The following FARS2 variants were observed in gnomAD, a reference collection of about 807,000 sequenced individuals.
FARS2 encodes phenylalanine--tRNA ligase, mitochondrial.
A neutral mutation model predicts 46.4 loss-of-function variants in FARS2; 40 were observed. The ratio of observed to expected loss-of-function variants is 0.86; its 90% CI spans 0.67 to 1.12. The LOEUF (loss-of-function observed/expected upper bound fraction) is 1.12. Ranked by LOEUF, FARS2 falls within the 50% of genes most tolerant of loss-of-function variation. The probability of loss-of-function intolerance (pLI) is 0.00; values close to 1 mark genes in which losing one functional copy is unlikely to be tolerated. For missense variants in FARS2, 513 were observed against 567.9 expected, an observed-to-expected ratio of 0.90 and a Z score of 0.98; for synonymous variants, 234 against 214.9, an observed-to-expected ratio of 1.09 and a Z score of -0.78.
At chr6:5,294,879 C>T (rs1471509827) in intron 1 of FARS2, among the ~76,000 whole-genome samples, 1 of 152,076 alleles carries the variant, frequency 6.6e-6, no homozygotes, top group Non-Finnish European at 1.5e-5. Flanking sequence ...AGCATTCCTT[C>T]CCCCAAAGTA....
chr6:5,508,664 G>T (rs1768248833), intron 4 of FARS2, among the ~76,000 whole-genome samples: 1 of 152,220 alleles, frequency 6.6e-6, no homozygotes, highest in African/African-American at 2.4e-5. Flanking sequence ...TGAAGGCCCT[G>T]AAAGGTAAAA....
At chr6:5,503,011 G>A (rs1390055916) in intron 4 of FARS2, among the ~76,000 whole-genome samples, 1 of 151,848 alleles carries the variant, frequency 6.6e-6, no homozygotes, top group African/African-American at 2.4e-5. Flanking sequence ...CATTCAAAAA[G>A]CTCAATGTTT....
chr6:5,617,412 G>A (rs1033254941), intron 6 of FARS2, among the ~76,000 whole-genome samples: 1 of 152,230 alleles, frequency 6.6e-6, no homozygotes, highest in Admixed American at 6.5e-5. Context: ...GAAATAAGGG[G>A]CTTGGTGATT....
In FARS2 at chr6:5,594,133, T is replaced by TC. The variant is rs796745228; in HGVS notation, c.1066-19035dup. On this transcript the variant is annotated intron_variant, in intron 5 of 6. Transcript: ENST00000274680. ...GAGGGCATGTAGGCCTAGGATCTTT[T>TC]CTTTGCAGGGATGGGGACCCTTCAG... Among the ~76,000 whole-genome samples, 30 of 148,370 alleles carry TC rather than the reference T, an allele frequency of 2.0e-4. 1 individual carries two copies. The highest frequency in any genetic ancestry group is 7.3e-4 in the African/African-American group (30 of 41,038).
chr6:5,504,623 T>G (rs545472068), intron 4 of FARS2, among the ~76,000 whole-genome samples: 6 of 152,234 alleles, frequency 3.9e-5, no homozygotes, highest in Middle Eastern at 3.4e-3. Context: ...CAAAAATTAC[T>G]GACACCAAGC....
rs552373843 is a variant in FARS2, at chr6:5,264,721, A to AT, written c.-22+3063dup. ...CGCGCCCGGCCCATAAGTACCATAT[A>AT]TTATATAAGATGATATAGTCACAGT... is the stretch of plus-strand genomic sequence containing the variant. On this transcript the variant is annotated intron_variant, in intron 1 of 6. Transcript: ENST00000274680. Among the ~76,000 whole-genome samples, 102 of 152,080 alleles carry AT rather than the reference A, an allele frequency of 6.7e-4. 2 individuals carry two copies. In the South Asian group the frequency reaches 0.016, roughly 24 times the overall value.
intron 4 of FARS2, among the ~76,000 whole-genome samples, chr6:5,444,616 T>G: frequency 6.6e-6 from 1 of 152,030 alleles, no homozygotes; most frequent in Non-Finnish European, 1.5e-5. Context: ...ATTTTTTTGG[T>G]TTTGATCACT....
chr6:5,438,183 T>G (rs925201538), intron 4 of FARS2, among the ~76,000 whole-genome samples: 5 of 151,114 alleles, frequency 3.3e-5, no homozygotes, highest in Non-Finnish European at 7.4e-5. Flanking sequence ...TTTAAAAAAA[T>G]TATTAACTAT....
intron 5 of FARS2, among the ~76,000 whole-genome samples, chr6:5,559,753 T>TG (rs1276247333): frequency 3.3e-5 from 5 of 151,634 alleles, no homozygotes; most frequent in Non-Finnish European, 7.4e-5. Flanking sequence ...TTTTGAAAAG[T>TG]GATAGTAATT....
At chr6:5,287,597 C>T (rs192734245) in intron 1 of FARS2, among the ~76,000 whole-genome samples, 1 of 152,334 alleles carries the variant, frequency 6.6e-6, no homozygotes, top group Admixed American at 6.5e-5. Flanking sequence ...TCTCCCACCT[C>T]ATAGCCCTTC....
chr6:5,690,141 CTT>C lies in FARS2; in HGVS notation c.1217+76825_1217+76826del, dbSNP rs1322521599. 3.3e-5 allele frequency among the ~76,000 whole-genome samples: 5 copies of C among 152,226 alleles called. No homozygotes were observed. In the East Asian group the frequency reaches 9.6e-4, roughly 29 times the overall value. The stretch of plus-strand genomic sequence containing the variant: ...AATACAGCACACTGATGGGTCTTGA[CTT>C]TTTATCCAATTTGCCAGTCTGTGTC... On this transcript the variant is annotated intron_variant, in intron 6 of 6. Transcript: ENST00000274680.
intron 3 of FARS2, among the ~76,000 whole-genome samples, chr6:5,406,647 G>A (rs1035654612): frequency 5.3e-5 from 8 of 151,932 alleles, no homozygotes; most frequent in African/African-American, 1.5e-4. Flanking sequence ...CCCATTCCAC[G>A]ATTTGTTTAT....
At chr6:5,510,215 T>C (rs1321753440) in intron 4 of FARS2, among the ~76,000 whole-genome samples, 2 of 152,210 alleles carry the variant, frequency 1.3e-5, no homozygotes, top group Non-Finnish European at 2.9e-5. Flanking sequence ...TCAGTGATTC[T>C]GTGGATATCT....
At position 5,311,867 on chromosome 6, in the gene FARS2, C is replaced by T. The variant is rs184205064; in HGVS notation, c.-22+50207C>T. ...TTTGTTCCACAACTGTAATGTATTT[C>T]TGATTCTCATTGATAATAATATATT... On this transcript the variant is annotated intron_variant, in intron 1 of 6. Transcript: ENST00000274680. This position sits in a 1 kb window ranked among gnomAD's most constrained non-coding sequence, Gnocchi z 4.1. Among the ~76,000 whole-genome samples, 25 of 152,266 alleles carry T rather than the reference C, an allele frequency of 1.6e-4. No individual in the cohort carries two copies. Among genetic ancestry groups the T allele is most frequent in the Non-Finnish European group, 1.9e-4 (13 of 68,022 alleles).
At chr6:5,602,569 C>T (rs184968806) in intron 5 of FARS2, among the ~76,000 whole-genome samples, 25 of 146,482 alleles carry the variant, frequency 1.7e-4, no homozygotes, top group African/African-American at 6.1e-4. Context: ...ATCACTTGGA[C>T]CCAGGAGGCA....
intron 5 of FARS2, among the ~76,000 whole-genome samples, chr6:5,586,687 A>C (rs1387948735): frequency 6.6e-6 from 1 of 151,994 alleles, no homozygotes; most frequent in African/African-American, 2.4e-5. Flanking sequence ...ACCCTTGCCT[A>C]ATTTAGGAAT....
intron 4 of FARS2, among the ~76,000 whole-genome samples, chr6:5,530,476 G>A (rs1028572561): frequency 1.3e-5 from 2 of 151,988 alleles, no homozygotes; most frequent in African/African-American, 4.8e-5. Context: ...AATATGGATT[G>A]CAGATAAGGT....
chr6:5,259,939 C>T (rs1764909696), upstream of FARS2, among the ~76,000 whole-genome samples: 1 of 152,086 alleles, frequency 6.6e-6, no homozygotes, highest in African/African-American at 2.4e-5. Context: ...CAATAAAAGA[C>T]TCATAGGCAA....
intron 4 of FARS2, among the ~76,000 whole-genome samples, chr6:5,539,821 A>C (rs547291826): frequency 6.6e-6 from 1 of 152,248 alleles, no homozygotes; most frequent in Admixed American, 6.5e-5. Context: ...CATTACTCCC[A>C]GTGTGCAGCT....
Sources: allele counts gnomAD v4.1 joint callset (sites outside exome capture counted in the v4.1 genomes callset), GRCh38; gene constraint gnomAD v4.1.1; non-coding constraint Gnocchi (gnomAD v3.1); transcripts MANE v1.5; gene names NCBI Gene and HGNC (gene_info 2026-07-23, HGNC 2026-07-21).